YLPM1: variants seen among roughly 807,000 people sequenced by gnomAD.
The protein encoded by YLPM1 is YLP motif-containing protein 1.
YLPM1 carries 99 observed loss-of-function variants against 230.0 expected under a neutral mutation model. The ratio of observed to expected loss-of-function variants is 0.43; its 90% confidence interval spans 0.37 to 0.51. The LOEUF (loss-of-function observed/expected upper bound fraction) is 0.51. YLPM1 is among the 20% of genes least tolerant of loss of function. YLPM1 has a pLI of 0.00. For synonymous variants in YLPM1, 984 were observed against 942.5 expected (o/e 1.04, Z -0.81); for missense variants, 2,592 against 2,707.7 (o/e 0.96, Z 0.95).
At chr14:74,766,634 C>T (rs2090914128) in intron 1 of YLPM1, among the ~76,000 whole-genome samples, 1 of 126,060 alleles carries the variant, frequency 7.9e-6, no homozygotes, top group Admixed American at 8.9e-5. Flanking sequence ...CCATGCCTGG[C>T]TATTTTTTTT....
chr14:74,778,792 C>A (rs2091066479), intron 2 of YLPM1, 109 bp downstream of exon 2: 2 of 902,338 alleles, frequency 2.2e-6, no homozygotes, highest in Non-Finnish European at 3.3e-6. Context: ...TTTTAGGTAC[C>A]TATAAAGTTG....
chr14:74,823,671 G>A (rs548107117), intron 17 of YLPM1, among the ~76,000 whole-genome samples: 3 of 152,176 alleles, frequency 2.0e-5, no homozygotes, highest in South Asian at 2.1e-4. Context: ...AAAATTAGCC[G>A]TTGTATGCTC....
intron 4 of YLPM1, among the ~76,000 whole-genome samples, chr14:74,784,737 A>T (rs2241275): frequency 3.3e-5 from 5 of 152,078 alleles, no homozygotes; most frequent in African/African-American, 1.2e-4. Context: ...GAATTATCCT[A>T]TGCCTCTTCT....
In YLPM1 at chr14:74,812,559, G is replaced by A. The variant is rs116902279; in HGVS notation, c.5348-69G>A. 3.0e-5 allele frequency: 44 copies of A among 1,489,828 alleles called. No individual in the cohort carries two copies. In the East Asian group the frequency reaches 1.0e-3, roughly 35 times the overall value. The allele number at this position is 1,489,828 out of a possible 1,614,324, so 92.3% of individuals were successfully genotyped here. On this transcript the variant is annotated intron_variant, in intron 10 of 20. Transcript: ENST00000325680. Reference sequence around the variant, plus strand: ...TTTGAATTATATTACCTTAGGATGTGTGGGGAGAGTTGAATTTCAAAATAA... The same window carrying A: ...TTTGAATTATATTACCTTAGGATGTATGGGGAGAGTTGAATTTCAAAATAA...
At position 74,781,912 on chromosome 14, in the gene YLPM1, A is replaced by G. The variant is rs1311260161; in HGVS notation, c.1869A>G (p.Pro623=). ...CTCCACCTGTCATGCCCCTCCCACC[A>G]TTGTCTTCAGCTACACCTCCTCCAG... ...TAPPPVMPLP[P]LSSATPPPGI... is the part of the protein sequence containing the mutation. The change falls in exon 4 of 21, where the codon CCA becomes CCG. Residue 623 remains proline, a synonymous_variant. Transcript: ENST00000325680. 4 of 1,611,786 alleles carry G rather than the reference A, an allele frequency of 2.5e-6. No individual in the cohort carries two copies. The highest frequency in any genetic ancestry group is 2.7e-5 in the African/African-American group (2 of 74,104).
Position 74,778,516 on chromosome 14 carries a change from G to A in YLPM1, c.943G>A (p.Gly315Arg). The A allele has an allele frequency of 6.2e-7, 1 of 1,608,378 alleles. No individual in the cohort carries two copies. The highest frequency in any genetic ancestry group is 8.5e-7 in the Non-Finnish European group (1 of 1,177,374). ...ACAGAGGACAAAAGTTCATTTGCCA[G>A]GACACAAAAAGGGTCCTGTGGTAGC... Reference protein sequence around the residue: ...LQQRTKVHLPGHKKGPVVAKD... With the variant: ...LQQRTKVHLPRHKKGPVVAKD... The change falls in exon 2 of 21, where the codon GGA becomes AGA. Residue 315 changes from glycine (G) to arginine (R), a missense_variant. By Grantham distance (125) the Gly-to-Arg change is moderately radical. Around this residue, in one of 4 missense-constraint regions of YLPM1, gnomAD observed 1,862 missense variants for 1,819.8 expected, o/e 1.02. Coordinates refer to ENST00000325680, the MANE Select transcript of YLPM1 (RefSeq NM_019589.3).
At chr14:74,822,610 C>T (rs1408825970) in intron 17 of YLPM1, among the ~76,000 whole-genome samples, 1 of 152,078 alleles carries the variant, frequency 6.6e-6, no homozygotes, top group Non-Finnish European at 1.5e-5. Flanking sequence ...CACTTGTCTG[C>T]CTGACTTGAT....
Position 74,800,960 on chromosome 14 carries a change from G to A in YLPM1, c.4400+1263G>A, listed in dbSNP as rs553722731. Among the ~76,000 whole-genome samples, 17 of 152,308 alleles carry A rather than the reference G, an allele frequency of 1.1e-4. No homozygotes were observed. In the South Asian group the frequency reaches 3.3e-3, roughly 30 times the overall value. On this transcript the variant is annotated intron_variant, in intron 5 of 20. Transcript: ENST00000325680. Reference sequence around the variant, plus strand: ...TGACACTAAAGTTCAAAGAGGTTAAGTTCCCTTGGCTAGTAAGTGGCAAAC... The same window carrying A: ...TGACACTAAAGTTCAAAGAGGTTAAATTCCCTTGGCTAGTAAGTGGCAAAC...
At chr14:74,789,870 C>T (rs1453527197) in intron 4 of YLPM1, among the ~76,000 whole-genome samples, 2 of 151,840 alleles carry the variant, frequency 1.3e-5, no homozygotes, top group Admixed American at 6.6e-5. Context: ...GCCATCTGCC[C>T]ACCTTGGCCT....
intron 2 of YLPM1, among the ~76,000 whole-genome samples, chr14:74,779,143 G>C (rs1341422785): frequency 6.6e-6 from 1 of 151,766 alleles, no homozygotes; most frequent in Admixed American, 6.6e-5. Flanking sequence ...TGCCTGGCCT[G>C]TTGTATCAGG....
intron 17 of YLPM1, chr14:74,821,861 A>C (rs1419512509): frequency 6.6e-6 from 1 of 152,236 alleles, no homozygotes; most frequent in African/African-American, 2.4e-5. Flanking sequence ...GTTGCTTTTT[A>C]AATCCAGAAT....
chr14:74,831,148 T>G (rs1487449854), intron 19 of YLPM1, among the ~76,000 whole-genome samples: 1 of 152,246 alleles, frequency 6.6e-6, no homozygotes, highest in Non-Finnish European at 1.5e-5. Context: ...TTACTAAGAA[T>G]GAGGTTGTGC....
chr14:74,825,000 C>T (rs1477246760), intron 18 of YLPM1, among the ~76,000 whole-genome samples: 4 of 151,980 alleles, frequency 2.6e-5, no homozygotes, highest in East Asian at 3.8e-4. Flanking sequence ...AGTTTTACTT[C>T]GCTTAAAGAG....
intron 18 of YLPM1, among the ~76,000 whole-genome samples, chr14:74,824,921 C>G (rs896892262): frequency 1.3e-5 from 2 of 151,964 alleles, no homozygotes; most frequent in African/African-American, 4.8e-5. Context: ...ATCTGTCAAA[C>G]AAAAAAGTCA....
chr14:74,808,719 A>G lies in YLPM1; in HGVS notation c.4522-661A>G, dbSNP rs747686759. Among the ~76,000 whole-genome samples, 5 of 151,462 alleles carry G rather than the reference A, an allele frequency of 3.3e-5. No homozygotes were observed. In the South Asian group the frequency reaches 1.0e-3, roughly 32 times the overall value. ...CTCAGAAGGCTGAGGCAGGAGAATC[A>G]CTTGAACCTGGGAGGCAGAGGTGGC... On this transcript the variant is annotated intron_variant, in intron 6 of 20. Coordinates refer to ENST00000325680, the MANE Select transcript of YLPM1 (RefSeq NM_019589.3).
In YLPM1 at chr14:74,816,799, G is replaced by T. The variant is rs983192081; in HGVS notation, c.5685+109G>T. On this transcript the variant is annotated intron_variant, in intron 13 of 20. Transcript: ENST00000325680. ...GAGGGCAGGGACCTCTCTCTTTTCCGAACACAGTACTTTAGTACTTGGGTG... is the reference window on the plus strand; with the variant it reads ...GAGGGCAGGGACCTCTCTCTTTTCCTAACACAGTACTTTAGTACTTGGGTG... 2.8e-6 allele frequency: 4 copies of T among 1,453,540 alleles called. No individual in the cohort carries two copies. In the African/African-American group the frequency reaches 4.3e-5, roughly 16 times the overall value. The allele number at this position is 1,453,540 out of a possible 1,614,324, so 90.0% of individuals were successfully genotyped here. A position where few individuals can be genotyped will look rare whatever the true frequency, so the allele number is the denominator to read the frequency against.
chr14:74,816,840 A>G, intron 13 of YLPM1, 91 bp from the exon 14 acceptor site: 1 of 1,451,538 alleles, frequency 6.9e-7, no homozygotes, highest in South Asian at 1.5e-5. Flanking sequence ...GAAAGACTAC[A>G]AAGTCATCTC....
rs1349976674 is a variant in YLPM1 at position 74,798,344 on chromosome 14, A to G, written c.3047A>G (p.Asn1016Ser). 50 of 1,613,912 alleles carry G rather than the reference A, an allele frequency of 3.1e-5. No homozygotes were observed. The highest frequency in any genetic ancestry group is 4.1e-5 in the Non-Finnish European group (48 of 1,179,914). The change falls in exon 5 of 21, where the codon AAC becomes AGC. Residue 1016 changes from asparagine to serine, a missense_variant. Around this residue, in one of 4 missense-constraint regions of YLPM1, gnomAD observed 1,862 missense variants for 1,819.8 expected, o/e 1.02. Coordinates refer to ENST00000325680, the MANE Select transcript of YLPM1 (RefSeq NM_019589.3). ...RDNRLEGNRG[N>S]SSSYRGPGQS... ...AATAGATTAGAAGGCAATAGAGGCA[A>G]CAGCTCATCTTACAGAGGTCCTGGG... is the stretch of plus-strand genomic sequence containing the variant.
chr14:74,805,279 C>T (rs1420889218), intron 6 of YLPM1, among the ~76,000 whole-genome samples: 2 of 152,156 alleles, frequency 1.3e-5, no homozygotes, highest in African/African-American at 4.8e-5. Flanking sequence ...CCTCAGCCTC[C>T]GAAAGTGCTG....
Sources: gnomAD v4.1 joint callset for allele counts (sites outside exome capture counted in the v4.1 genomes callset) on GRCh38, gnomAD v4.1.1 for gene constraint, gnomAD v4.1.1 regional missense constraint, MANE v1.5 for transcripts, NCBI Gene and HGNC (gene_info 2026-07-23, HGNC 2026-07-21) for gene names.